The following ENTPD1 variants were observed in gnomAD, a reference collection of about 807,000 sequenced individuals.
ENTPD1 encodes ectonucleoside triphosphate diphosphohydrolase 1, also known as ATP diphosphohydrolase.
ENTPD1 carries 33 observed loss-of-function variants against 57.0 expected under a neutral mutation model. That is an observed-to-expected ratio of 0.58 (90% CI 0.44 to 0.77). The LOEUF is 0.77. ENTPD1 is among the 30% of genes least tolerant of loss of function. The probability of loss-of-function intolerance (pLI) is 0.00; values close to 1 mark genes in which losing one functional copy is unlikely to be tolerated. For synonymous variants in ENTPD1, 202 were observed against 218.8 expected (o/e 0.92, Z 0.68); for missense variants, 501 against 603.4 (o/e 0.83, Z 1.78).
intron 1 of ENTPD1, among the ~76,000 whole-genome samples, chr10:95,728,631 T>C (rs1158949013): frequency 1.3e-5 from 2 of 152,174 alleles, no homozygotes; most frequent in African/African-American, 2.4e-5. Context: ...GTGAGAGCCA[T>C]GAGAGATCAG....
At position 95,839,825 on chromosome 10, in the gene ENTPD1, G is replaced by A. The variant is rs1403275794; in HGVS notation, c.262+17G>A. 3 of 1,612,808 alleles carry A rather than the reference G, an allele frequency of 1.9e-6. No homozygotes were observed. The highest frequency in any genetic ancestry group is 2.5e-6 in the Non-Finnish European group (3 of 1,178,914). ...GGGTTAAAGGTAAGATGAAGACCAA[G>A]GGAAGGGGAGGCCAACAGTGGGGCA... On this transcript the variant is annotated intron_variant, in intron 3 of 9. Coordinates refer to ENST00000371205, the MANE Select transcript of ENTPD1 (RefSeq NM_001776.6).
intron 1 of ENTPD1, among the ~76,000 whole-genome samples, chr10:95,712,906 CGCCTGT>C (rs2097967244): frequency 5.3e-5 from 8 of 152,150 alleles, no homozygotes; most frequent in Non-Finnish European, 1.0e-4. Context: ...TGGTGGCGGA[CGCCTGT>C]AGTCCCAACT....
At chr10:95,756,551 C>G (rs543527245) in intron 1 of ENTPD1, 1 of 409,942 alleles carries the variant, frequency 2.4e-6, no homozygotes, top group African/African-American at 2.0e-5. Flanking sequence ...CTTTTTCAGT[C>G]CCCTTGCAGT....
Position 95,871,622 on chromosome 10 carries a change from T to C in ENTPD1, c.*5239T>C, listed in dbSNP as rs1590232959. ...GAGCCTTCTCTTTAGAAAAGTGGCA[T>C]TCAAGACTCTTCATTTGAAGTGAAG... On this transcript the variant is annotated 3_prime_UTR_variant, in exon 10 of 10. Transcript: ENST00000371205. 3.0e-6 allele frequency: 3 copies of C among 985,330 alleles called. No individual in the cohort carries two copies. Among genetic ancestry groups the C allele is most frequent in the Non-Finnish European group, 3.6e-6 (3 of 829,930 alleles). The allele number at this position is 985,330 out of a possible 1,614,324, so 61.0% of individuals were successfully genotyped here. A position where few individuals can be genotyped will look rare whatever the true frequency, so the allele number is the denominator to read the frequency against.
In ENTPD1 at chr10:95,873,048, T is replaced by TA. The variant is rs2098482217; in HGVS notation, c.*6670dup. ...AAATTACCCAGGGATTTTGTTGAAA[T>TA]AAAAATTATTTAATTTTAATTAATA... On this transcript the variant is annotated 3_prime_UTR_variant, in exon 10 of 10. Transcript: ENST00000371205. 1 of 947,956 alleles carries TA rather than the reference T, an allele frequency of 1.1e-6. No homozygotes were observed. Among genetic ancestry groups the TA allele is most frequent in the Middle Eastern group, 5.4e-4 (1 of 1,840 alleles). 58.7% of individuals were successfully genotyped at this position (947,956 alleles called of 1,614,324 possible).
intron 1 of ENTPD1, among the ~76,000 whole-genome samples, chr10:95,800,442 C>T (rs1455535677): frequency 6.6e-6 from 1 of 152,132 alleles, no homozygotes; most frequent in Non-Finnish European, 1.5e-5. Context: ...CATGCATTGT[C>T]TTGATAAACA....
the ENTPD1 span, among the ~76,000 whole-genome samples, chr10:95,704,328 A>G: frequency 0.84 from 127,815 of 152,076 alleles, 54,277 homozygotes; most frequent in Non-Finnish European, 0.91. Flanking sequence ...GGTCAAAAAT[A>G]CCAAGAGAAT....
intron 1 of ENTPD1, among the ~76,000 whole-genome samples, chr10:95,805,849 C>T (rs1235056234): frequency 6.6e-6 from 1 of 152,206 alleles, no homozygotes; most frequent in Non-Finnish European, 1.5e-5. Context: ...AGAGTTTCTG[C>T]CCAGAGATCC....
chr10:95,740,317 G>GT (rs2097999017), intron 1 of ENTPD1, among the ~76,000 whole-genome samples: 1 of 152,138 alleles, frequency 6.6e-6, no homozygotes, highest in South Asian at 2.1e-4. Flanking sequence ...TAGAGATGGG[G>GT]TTTTACCATG....
chr10:95,792,961 T>C (rs1031007582), intron 1 of ENTPD1, among the ~76,000 whole-genome samples: 5 of 152,210 alleles, frequency 3.3e-5, no homozygotes, highest in African/African-American at 9.6e-5. Context: ...CATACTTGTG[T>C]GTCCAGCATC....
In ENTPD1 at chr10:95,842,434, G is replaced by A. The variant is rs1317793637; in HGVS notation, c.353G>A (p.Arg118Lys). The A allele has an allele frequency of 1.9e-6, 3 of 1,613,942 alleles. No homozygotes were observed. Among genetic ancestry groups the A allele is most frequent in the East Asian group, 4.5e-5 (2 of 44,880 alleles). Residue 118 changes from arginine (R) to lysine (K), a missense_variant, in exon 4 of 10, where the codon AGG becomes AAG. Transcript: ENST00000371205. ...CMERAREVIP[R>K]SQHQETPVYL... is the part of the protein sequence containing the mutation. ...GAAAGAGCTAGGGAAGTGATTCCAAGGTCCCAGCACCAAGAGACACCCGTT... is the reference window on the plus strand; with the variant it reads ...GAAAGAGCTAGGGAAGTGATTCCAAAGTCCCAGCACCAAGAGACACCCGTT...
At chr10:95,803,836 G>C (rs2098260912) in intron 1 of ENTPD1, among the ~76,000 whole-genome samples, 1 of 152,160 alleles carries the variant, frequency 6.6e-6, no homozygotes, top group African/African-American at 2.4e-5. Flanking sequence ...AAGGTTTTAG[G>C]TCTAACATTT....
intron 1 of ENTPD1, among the ~76,000 whole-genome samples, chr10:95,819,736 C>T (rs2098342483): frequency 6.6e-6 from 1 of 152,096 alleles, no homozygotes; most frequent in Non-Finnish European, 1.5e-5. Context: ...TCCCTTGTCA[C>T]ATCACATGAA....
At chr10:95,758,897 A>G (rs2098043118) in intron 1 of ENTPD1, among the ~76,000 whole-genome samples, 1 of 152,206 alleles carries the variant, frequency 6.6e-6, no homozygotes, top group Non-Finnish European at 1.5e-5. Context: ...GACCTTCTCC[A>G]TGAGGTCTGT....
At chr10:95,832,950 T>C (rs2098400799) in intron 2 of ENTPD1, among the ~76,000 whole-genome samples, 1 of 152,250 alleles carries the variant, frequency 6.6e-6, no homozygotes, top group Admixed American at 6.5e-5. Flanking sequence ...TAGTGTATTA[T>C]GGTCACTGAA....
chr10:95,777,829 A>C (rs538572666), intron 1 of ENTPD1, among the ~76,000 whole-genome samples: 1 of 152,204 alleles, frequency 6.6e-6, no homozygotes, highest in Non-Finnish European at 1.5e-5. Flanking sequence ...ATCTTCCAGG[A>C]CACTTTGTTT....
chr10:95,723,889 C>T (rs1226279927), intron 1 of ENTPD1, among the ~76,000 whole-genome samples: 8 of 151,940 alleles, frequency 5.3e-5, no homozygotes, highest in Admixed American at 2.0e-4. Context: ...AGCACAGGCA[C>T]GGTGGCTCAC....
chr10:95,695,023 C>T, the ENTPD1 span, among the ~76,000 whole-genome samples: 1 of 150,946 alleles, frequency 6.6e-6, no homozygotes, highest in Non-Finnish European at 1.5e-5. Context: ...GTTTCAGCCT[C>T]CTGAGTAGCT....
chr10:95,745,693 G>A (rs1395673633), intron 1 of ENTPD1, among the ~76,000 whole-genome samples: 1 of 152,228 alleles, frequency 6.6e-6, no homozygotes, highest in Non-Finnish European at 1.5e-5. Flanking sequence ...ACACAGCACT[G>A]ACTTCATTGA....
Sources: gnomAD v4.1 joint callset for allele counts (sites outside exome capture counted in the v4.1 genomes callset) on GRCh38, gnomAD v4.1.1 for gene constraint, MANE v1.5 for transcripts, NCBI Gene and HGNC (gene_info 2026-07-23, HGNC 2026-07-21) for gene names.